Variants in CSGALNACT2 observed in about 807,000 individuals in gnomAD.
CSGALNACT2 encodes beta 4 GalNAcT-2.
A neutral mutation model predicts 55.3 loss-of-function variants in CSGALNACT2; 35 were observed. The ratio of observed to expected loss-of-function variants is 0.63; its 90% CI spans 0.48 to 0.84. The LOEUF is 0.84. Among genes scored for constraint, CSGALNACT2 ranks in the 40% least tolerant of loss-of-function variants. The pLI is 0.00. For synonymous variants in CSGALNACT2, 196 were observed against 224.9 expected, an observed-to-expected ratio of 0.87 and a Z score of 1.15; for missense variants, 544 against 657.5, an observed-to-expected ratio of 0.83 and a Z score of 1.89.
At chr10:43,166,465 T>C (rs755276468) in intron 5 of CSGALNACT2, among the ~76,000 whole-genome samples, 12 of 152,254 alleles carry the variant, frequency 7.9e-5, no homozygotes, top group Non-Finnish European at 1.3e-4. Context: ...GATGACAAGG[T>C]CTTCTCCAAG....
In CSGALNACT2 at chr10:43,162,844, G is replaced by A. The variant is rs563043014; in HGVS notation, c.981-1022G>A. ...TAACATGTTAACACAGGAAGCTGATGCTGTGGGTTTGGGGGCCTCACTGTG... is the reference window on the plus strand; with the variant it reads ...TAACATGTTAACACAGGAAGCTGATACTGTGGGTTTGGGGGCCTCACTGTG... On this transcript the variant is annotated intron_variant, in intron 4 of 7. Coordinates refer to ENST00000374466, the MANE Select transcript of CSGALNACT2 (RefSeq NM_018590.5). 5 of 957,174 alleles carry A rather than the reference G, an allele frequency of 5.2e-6. No individual in the cohort carries two copies. The African/African-American group carries it at 8.8e-5, about 17-fold the overall frequency. The allele number at this position is 957,174 out of a possible 1,614,324, so 59.3% of individuals were successfully genotyped here.
chr10:43,179,542 C>G (rs1353268933), intron 7 of CSGALNACT2, among the ~76,000 whole-genome samples: 1 of 152,184 alleles, frequency 6.6e-6, no homozygotes, highest in East Asian at 1.9e-4. Flanking sequence ...TTGGATTTAG[C>G]AGGGCTCTCT....
At chr10:43,145,419 T>C (rs923241180) in intron 1 of CSGALNACT2, among the ~76,000 whole-genome samples, 3 of 146,360 alleles carry the variant, frequency 2.0e-5, no homozygotes, top group Non-Finnish European at 3.0e-5. Context: ...TCTTTTTTTT[T>C]TTTTTTTTTT....
chr10:43,142,914 TACCACC>T (rs1276322716), intron 1 of CSGALNACT2, among the ~76,000 whole-genome samples: 3 of 152,124 alleles, frequency 2.0e-5, no homozygotes, highest in African/African-American at 7.2e-5. Context: ...TTGAGTCTAT[TACCACC>T]ACCACCACCA....
At chr10:43,141,553 C>T (rs1334310667) in intron 1 of CSGALNACT2, among the ~76,000 whole-genome samples, 1 of 106,706 alleles carries the variant, frequency 9.4e-6, no homozygotes, top group African/African-American at 3.9e-5. Flanking sequence ...GTAGTGCACA[C>T]CTGTCGTCCC....
chr10:43,146,156 A>G (rs556328839), intron 1 of CSGALNACT2, among the ~76,000 whole-genome samples: 67 of 152,216 alleles, frequency 4.4e-4, no homozygotes, highest in Non-Finnish European at 8.4e-4. Context: ...GTCATCAGCA[A>G]GTTGAGGAGC....
chr10:43,161,803 A>G (rs563444779), intron 4 of CSGALNACT2, among the ~76,000 whole-genome samples: 1 of 152,236 alleles, frequency 6.6e-6, no homozygotes, highest in South Asian at 2.1e-4. Context: ...GTTCCTACTT[A>G]ATTCACAGGA....
intron 5 of CSGALNACT2, among the ~76,000 whole-genome samples, chr10:43,165,067 C>CA (rs974104863): frequency 5.3e-5 from 8 of 151,586 alleles, no homozygotes; most frequent in South Asian, 2.1e-4. Flanking sequence ...ACTAAAAATA[C>CA]AAAAAAAATT....
intron 5 of CSGALNACT2, among the ~76,000 whole-genome samples, chr10:43,164,990 G>A (rs936174359): frequency 4.6e-5 from 7 of 151,642 alleles, no homozygotes; most frequent in African/African-American, 1.5e-4. Context: ...TTGGGAGGCC[G>A]AGGCGGGCGG....
At chr10:43,147,997 G>A (rs1564510012) in intron 1 of CSGALNACT2, among the ~76,000 whole-genome samples, 1 of 151,916 alleles carries the variant, frequency 6.6e-6, no homozygotes, top group African/African-American at 2.4e-5. Flanking sequence ...TTACACATAG[G>A]TTTTGTTCTA....
At chr10:43,155,932 T>G in intron 2 of CSGALNACT2, 122 bp downstream of exon 2, 6 of 888,982 alleles carry the variant, frequency 6.7e-6, no homozygotes, top group Non-Finnish European at 1.0e-5. Flanking sequence ...TAGACAAATG[T>G]TAGTAATATA....
Position 43,167,105 on chromosome 10 carries a change from C to A in CSGALNACT2, c.1254+7C>A. 6.4e-7 allele frequency: 1 copy of A among 1,569,954 alleles called. No homozygotes were observed. Among genetic ancestry groups the A allele is most frequent in the Non-Finnish European group, 8.8e-7 (1 of 1,140,510 alleles). ...ACCTGTGGAGCAGCAGCTGGTGAGACTTTCACATTTTCAGTTATGAAAGAC... is the reference window on the plus strand; with the variant it reads ...ACCTGTGGAGCAGCAGCTGGTGAGAATTTCACATTTTCAGTTATGAAAGAC... On this transcript the variant is annotated splice_region_variant and intron_variant, in intron 6 of 7. Transcript: ENST00000374466.
At chr10:43,141,633 A>G (rs1838627059) in intron 1 of CSGALNACT2, among the ~76,000 whole-genome samples, 1 of 149,578 alleles carries the variant, frequency 6.7e-6, no homozygotes, top group Non-Finnish European at 1.5e-5. Flanking sequence ...TCAAAAAAAA[A>G]AAAAAAAAAA....
At position 43,155,174 on chromosome 10, in the gene CSGALNACT2, C is replaced by CT. The variant is rs1838965598; in HGVS notation, c.25_26insT (p.His9LeufsTer31). On this transcript the variant is annotated frameshift_variant, in exon 2 of 8. Coordinates refer to ENST00000374466, the MANE Select transcript of CSGALNACT2 (RefSeq NM_018590.5). LOFTEE classifies it high-confidence loss of function. ...AATGCCTAGAAGAGGACTGATTCTTCACACCCGGACCCACTGGTTGCTGTT... is the reference window on the plus strand; with the variant it reads ...AATGCCTAGAAGAGGACTGATTCTTCTACACCCGGACCCACTGGTTGCTGTT... 3 of 1,613,712 alleles carry CT rather than the reference C, an allele frequency of 1.9e-6. No homozygotes were observed. The highest frequency in any genetic ancestry group is 2.5e-6 in the Non-Finnish European group (3 of 1,179,778).
intron 6 of CSGALNACT2, among the ~76,000 whole-genome samples, chr10:43,175,634 C>T (rs1378624082): frequency 1.3e-5 from 2 of 152,152 alleles, no homozygotes; most frequent in Non-Finnish European, 2.9e-5. Flanking sequence ...TGGGTAGGCA[C>T]CAGATAAAGT....
At chr10:43,143,493 ATGTG>A (rs3983257) in intron 1 of CSGALNACT2, among the ~76,000 whole-genome samples, 17,387 of 141,736 alleles carry the variant, frequency 0.12, 1,394 homozygotes, top group East Asian at 0.23. Context: ...CTCTCCAAAA[ATGTG>A]TGTGTGTGTG....
intron 6 of CSGALNACT2, among the ~76,000 whole-genome samples, chr10:43,171,080 T>C (rs1315691567): frequency 6.6e-6 from 1 of 152,130 alleles, no homozygotes; most frequent in Non-Finnish European, 1.5e-5. Context: ...GCTGGTGAAA[T>C]CCAAATGAAA....
At chr10:43,168,028 T>G (rs573826229) in intron 6 of CSGALNACT2, among the ~76,000 whole-genome samples, 26 of 152,204 alleles carry the variant, frequency 1.7e-4, no homozygotes, top group African/African-American at 6.3e-4. Context: ...ACATTGGAAA[T>G]TAGAATATGA....
chr10:43,140,290 A>C (rs1181322726), intron 1 of CSGALNACT2, among the ~76,000 whole-genome samples: 1 of 152,252 alleles, frequency 6.6e-6, no homozygotes, highest in Non-Finnish European at 1.5e-5. Context: ...GCATAAGCAG[A>C]AAATTACCAA....
Sources: gnomAD v4.1 joint callset for allele counts (sites outside exome capture counted in the v4.1 genomes callset) on GRCh38, gnomAD v4.1.1 for gene constraint, MANE v1.5 for transcripts, NCBI Gene and HGNC (gene_info 2026-07-23, HGNC 2026-07-21) for gene names.